The following NKAIN3 variants were observed in gnomAD, a reference collection of about 807,000 sequenced individuals.
NKAIN3 encodes the protein sodium/potassium-transporting ATPase subunit beta-1-interacting protein 3.
In NKAIN3, 25 loss-of-function variants were observed where a neutral mutation model predicts 30.2. The observed-to-expected ratio is 0.83, with a 90% CI of 0.60 to 1.16. The LOEUF is 1.16. NKAIN3 is among the 50% of genes most tolerant of loss of function. NKAIN3 has a pLI of 0.00. For synonymous variants in NKAIN3, 91 were observed against 89.6 expected (o/e 1.02, Z -0.09); for missense variants, 225 against 254.1 (o/e 0.89, Z 0.78).
chr8:62,298,077 A>G (rs1320078913), intron 1 of NKAIN3, among the ~76,000 whole-genome samples: 1 of 150,658 alleles, frequency 6.6e-6, no homozygotes, highest in Non-Finnish European at 1.5e-5. Context: ...ACAAGAACAA[A>G]AAACCAAACA....
intron 4 of NKAIN3, among the ~76,000 whole-genome samples, chr8:62,909,572 C>A (rs1013361701): frequency 2.6e-5 from 4 of 152,050 alleles, no homozygotes; most frequent in Admixed American, 1.3e-4. Flanking sequence ...TATTTAAATT[C>A]AAATTCTGGG....
chr8:62,883,958 C>G (rs1821068615), intron 4 of NKAIN3, among the ~76,000 whole-genome samples: 1 of 152,044 alleles, frequency 6.6e-6, no homozygotes, highest in Non-Finnish European at 1.5e-5. Context: ...TTCTGTGTGC[C>G]TATGATCCTG....
chr8:62,315,850 C>T (rs1343216827), intron 1 of NKAIN3, among the ~76,000 whole-genome samples: 2 of 152,176 alleles, frequency 1.3e-5, no homozygotes, highest in Non-Finnish European at 1.5e-5. Flanking sequence ...AGCAATGTGC[C>T]TGCACAAAAC....
chr8:62,800,606 G>A (rs958894268), intron 4 of NKAIN3, among the ~76,000 whole-genome samples: 3 of 152,152 alleles, frequency 2.0e-5, no homozygotes. Context: ...GTAAAGCCAT[G>A]TTTTTCTTTA....
chr8:62,690,933 T>C (rs932444102), intron 3 of NKAIN3, among the ~76,000 whole-genome samples: 2 of 152,176 alleles, frequency 1.3e-5, no homozygotes, highest in Non-Finnish European at 2.9e-5. Context: ...TTATGTGCCC[T>C]GATACTTTAG....
chr8:62,295,572 T>A (rs1047012920), intron 1 of NKAIN3, among the ~76,000 whole-genome samples: 1 of 152,204 alleles, frequency 6.6e-6, no homozygotes, highest in Non-Finnish European at 1.5e-5. Context: ...TTGAGGCTTA[T>A]TTATATATAT....
rs150614930 is a variant in NKAIN3, at chr8:62,506,903, T to A, written c.55-72636T>A. ...CTCTCTCTTTCTAATGTTATGCATT[T>A]CTCGACACCTGATGTAGAATTGATA... On this transcript the variant is annotated intron_variant, in intron 1 of 6. Transcript: ENST00000623646. 4.6e-3 allele frequency among the ~76,000 whole-genome samples: 699 copies of A among 152,300 alleles called. 5 individuals carry two copies. The highest frequency in any genetic ancestry group is 0.016 in the African/African-American group (660 of 41,574).
At chr8:62,991,840 A>C (rs1438546622) in intron 5 of NKAIN3, among the ~76,000 whole-genome samples, 1 of 152,172 alleles carries the variant, frequency 6.6e-6, no homozygotes, top group Non-Finnish European at 1.5e-5. Flanking sequence ...TAAGGGACAA[A>C]GTGTCCTGGT....
At chr8:62,379,255 G>T (rs758962242) in intron 1 of NKAIN3, among the ~76,000 whole-genome samples, 8 of 152,188 alleles carry the variant, frequency 5.3e-5, no homozygotes, top group Non-Finnish European at 8.8e-5. Flanking sequence ...TTACTAACTT[G>T]CTTTTGATTT....
intron 3 of NKAIN3, among the ~76,000 whole-genome samples, chr8:62,620,152 G>T (rs1182851587): frequency 1.3e-5 from 2 of 152,096 alleles, no homozygotes; most frequent in East Asian, 1.9e-4. Context: ...GGACACAGGG[G>T]TATGCTCTCG....
At chr8:62,260,220 A>G (rs1352081599) in intron 1 of NKAIN3, among the ~76,000 whole-genome samples, 1 of 152,092 alleles carries the variant, frequency 6.6e-6, no homozygotes, top group African/African-American at 2.4e-5. Flanking sequence ...TAGTATAATA[A>G]GAGTTTGCAT....
chr8:62,554,876 G>C (rs1011528931), intron 1 of NKAIN3, among the ~76,000 whole-genome samples: 4 of 151,964 alleles, frequency 2.6e-5, no homozygotes, highest in Non-Finnish European at 2.9e-5. Flanking sequence ...CTCACTCTCT[G>C]TTTGTATGTA....
At chr8:62,427,574 T>C (rs1211441906) in intron 1 of NKAIN3, among the ~76,000 whole-genome samples, 1 of 152,034 alleles carries the variant, frequency 6.6e-6, no homozygotes, top group Non-Finnish European at 1.5e-5. Flanking sequence ...GATTTATTAG[T>C]AAATCTTCTA....
chr8:62,886,625 T>G (rs559034433), intron 4 of NKAIN3, among the ~76,000 whole-genome samples: 6 of 152,288 alleles, frequency 3.9e-5, no homozygotes, highest in Admixed American at 2.6e-4. Flanking sequence ...GAATTTTAGG[T>G]TGGTGAAGGT....
chr8:62,862,898 G>T (rs766514388), intron 4 of NKAIN3, among the ~76,000 whole-genome samples: 1 of 152,156 alleles, frequency 6.6e-6, no homozygotes, highest in East Asian at 1.9e-4. Context: ...GCTTAAAAAT[G>T]GTTTATTTTT....
rs1181143065 is a variant in NKAIN3, at chr8:62,969,332, G to A, written c.*3925G>A. ...GAAGAATTTGTCTTCATTAAAACTA[G>A]CTAAAATGTACATTGCAAATCTGAA... On this transcript the variant is annotated 3_prime_UTR_variant, in exon 7 of 7. Transcript: ENST00000623646. Among the ~76,000 whole-genome samples the A allele has an allele frequency of 6.6e-6, 1 of 152,204 alleles. No homozygotes were observed. Among genetic ancestry groups the A allele is most frequent in the Non-Finnish European group, 1.5e-5 (1 of 68,034 alleles).
At chr8:62,582,437 A>C (rs1348143874) in intron 2 of NKAIN3, among the ~76,000 whole-genome samples, 1 of 152,140 alleles carries the variant, frequency 6.6e-6, no homozygotes, top group African/African-American at 2.4e-5. Flanking sequence ...GATACGAAGG[A>C]GCACACTAGC....
At chr8:62,375,193 A>T (rs1450748637) in intron 1 of NKAIN3, among the ~76,000 whole-genome samples, 1 of 152,218 alleles carries the variant, frequency 6.6e-6, no homozygotes, top group Non-Finnish European at 1.5e-5. Context: ...ATTTAAACTC[A>T]GAGATTTAAA....
chr8:62,367,093 C>T (rs1028784307), intron 1 of NKAIN3, among the ~76,000 whole-genome samples: 36 of 152,090 alleles, frequency 2.4e-4, no homozygotes, highest in African/African-American at 8.0e-4. Context: ...TTTGTTAAGA[C>T]ATGTTTTATA....
Sources: allele counts gnomAD v4.1 joint callset (sites outside exome capture counted in the v4.1 genomes callset), GRCh38; gene constraint gnomAD v4.1.1; transcripts MANE v1.5; gene names NCBI Gene and HGNC (gene_info 2026-07-23, HGNC 2026-07-21).